Variants in CELF2 observed in about 807,000 individuals in gnomAD.
The protein encoded by CELF2 is CUG triplet repeat RNA-binding protein 2.
In CELF2, 8 loss-of-function variants were observed where a neutral mutation model predicts 62.6. That is an observed-to-expected ratio of 0.13 (90% confidence interval 0.07 to 0.23). CELF2 has a LOEUF of 0.23. CELF2 is among the 10% of genes least tolerant of loss of function. The probability of loss-of-function intolerance (pLI) is 1.00; values close to 1 mark genes in which losing one functional copy is unlikely to be tolerated. For synonymous variants in CELF2, 258 were observed against 250.0 expected (o/e 1.03, Z -0.30); for missense variants, 333 against 671.0 (o/e 0.50, Z 5.56).
chr10:11,060,049 G>T (rs763924585), intron 1 of CELF2, among the ~76,000 whole-genome samples: 4 of 152,218 alleles, frequency 2.6e-5, no homozygotes, highest in Non-Finnish European at 5.9e-5. Flanking sequence ...CAAAATGCAA[G>T]AGGAAGAGAA....
chr10:11,033,182 G>T (rs987025801), intron 1 of CELF2, among the ~76,000 whole-genome samples: 4 of 152,018 alleles, frequency 2.6e-5, no homozygotes, highest in Admixed American at 2.6e-4. Flanking sequence ...CAGTGGTGAG[G>T]TGTGAGGGCA....
At position 11,297,499 on chromosome 10, in the gene CELF2, G is replaced by C. The variant is rs1037836889; in HGVS notation, c.976+8947G>C. On this transcript the variant is annotated intron_variant, in intron 9 of 12. Transcript: ENST00000633077. The surrounding 1 kb of genome is among the most constrained non-coding windows in gnomAD (Gnocchi z 4.4). ...AGCTTTCTGGGTAGCACAGTGTCAG[G>C]GGAGCCAAGCAGGATGGGGCTGGAG... Among the ~76,000 whole-genome samples the C allele has an allele frequency of 1.3e-5, 2 of 152,104 alleles. No individual in the cohort carries two copies. The highest frequency in any genetic ancestry group is 1.5e-5 in the Non-Finnish European group (1 of 68,034).
rs2074202327 is a variant in CELF2 at position 11,242,356 on chromosome 10, C to T, written c.355-6797C>T. Among the ~76,000 whole-genome samples, 1 of 152,170 alleles carries T rather than the reference C, an allele frequency of 6.6e-6. No homozygotes were observed. Among genetic ancestry groups the T allele is most frequent in the Non-Finnish European group, 1.5e-5 (1 of 68,040 alleles). On this transcript the variant is annotated intron_variant, in intron 3 of 12. Transcript: ENST00000633077. This position sits in a 1 kb window ranked among gnomAD's most constrained non-coding sequence, Gnocchi z 4.8. Reference sequence around the variant, plus strand: ...GTGAGGAGCCAGCTGTGCCCCCTGCCCGCAGCTGCTTCCTTCCCCCAGGAC... The same window carrying T: ...GTGAGGAGCCAGCTGTGCCCCCTGCTCGCAGCTGCTTCCTTCCCCCAGGAC...
intron 5 of CELF2, among the ~76,000 whole-genome samples, chr10:11,263,848 T>C (rs1022895643): frequency 6.6e-6 from 1 of 152,228 alleles, no homozygotes; most frequent in Non-Finnish European, 1.5e-5. Context: ...TTAGAGAAAT[T>C]ACAGTGGTTA....
At chr10:10,686,309 T>TG in the CELF2 span, among the ~76,000 whole-genome samples, 1 of 60,088 alleles carries the variant, frequency 1.7e-5, no homozygotes, top group African/African-American at 3.9e-5. Flanking sequence ...TTTGGATTTT[T>TG]TGGGGGGGGG....
the CELF2 span, among the ~76,000 whole-genome samples, chr10:10,641,927 A>G: frequency 1.3e-5 from 2 of 152,120 alleles, no homozygotes; most frequent in African/African-American, 4.8e-5. Context: ...ATCTTTTGCT[A>G]TTATATCACT....
At chr10:11,230,897 G>T (rs77596569) in intron 3 of CELF2, among the ~76,000 whole-genome samples, 1 of 152,354 alleles carries the variant, frequency 6.6e-6, no homozygotes, top group Admixed American at 6.5e-5. Flanking sequence ...GCATCGGAGT[G>T]TAGAGTCCTG....
intron 2 of CELF2, among the ~76,000 whole-genome samples, chr10:10,981,634 C>T (rs1008347759): frequency 6.6e-6 from 1 of 152,186 alleles, no homozygotes; most frequent in Admixed American, 6.5e-5. Context: ...ATAGTTACAC[C>T]CTTTTCTAGG....
chr10:10,503,894 T>C, the CELF2 span, among the ~76,000 whole-genome samples: 49 of 152,142 alleles, frequency 3.2e-4, no homozygotes, highest in African/African-American at 1.2e-3. Context: ...AGTGTATCTC[T>C]GTGCATAGCA....
rs988171808 is a variant in CELF2 at position 11,214,764 on chromosome 10, T to C, written c.272-2661T>C. Among the ~76,000 whole-genome samples, 6 of 152,314 alleles carry C rather than the reference T, an allele frequency of 3.9e-5. No homozygotes were observed. The highest frequency in any genetic ancestry group is 1.4e-4 in the African/African-American group (6 of 41,566). ...GTTAAAGAATACCTGTTTAGATGAG[T>C]GTACACTTTTAACTGAAACACTTAA... On this transcript the variant is annotated intron_variant, in intron 2 of 12. Coordinates refer to ENST00000633077, the MANE Select transcript of CELF2 (RefSeq NM_001326342.2). The surrounding 1 kb of genome is among the most constrained non-coding windows in gnomAD (Gnocchi z 4.2).
At chr10:11,044,522 T>C (rs1402026642) in intron 1 of CELF2, among the ~76,000 whole-genome samples, 1 of 152,220 alleles carries the variant, frequency 6.6e-6, no homozygotes, top group Non-Finnish European at 1.5e-5. Flanking sequence ...TCTTCGTATA[T>C]AAATTTGCAA....
chr10:11,099,869 A>AAAC (rs1237584657), intron 1 of CELF2, among the ~76,000 whole-genome samples: 25 of 143,876 alleles, frequency 1.7e-4, no homozygotes, highest in African/African-American at 2.3e-4. Flanking sequence ...TTCTACATTA[A>AAAC]AACAACAACA....
chr10:11,260,474 C>A lies in CELF2; in HGVS notation c.538+2602C>A, dbSNP rs2080170281. On this transcript the variant is annotated intron_variant, in intron 5 of 12. Transcript: ENST00000633077. The surrounding 1 kb of genome is among the most constrained non-coding windows in gnomAD (Gnocchi z 4.2). ...AGAACCTCCATGGGAAAGAGCAGGA[C>A]ACGCAGTACTTAACAAGAGAACTTA... 6.6e-6 allele frequency among the ~76,000 whole-genome samples: 1 copy of A among 152,218 alleles called. No individual in the cohort carries two copies. Among genetic ancestry groups the A allele is most frequent in the African/African-American group, 2.4e-5 (1 of 41,456 alleles).
At chr10:10,671,805 C>T in the CELF2 span, among the ~76,000 whole-genome samples, 155 of 152,054 alleles carry the variant, frequency 1.0e-3, 1 homozygote, top group Non-Finnish European at 1.9e-3. Context: ...TCTCAGCTCA[C>T]TGCAACCTCT....
chr10:10,646,458 G>A, the CELF2 span, among the ~76,000 whole-genome samples: 4 of 152,140 alleles, frequency 2.6e-5, no homozygotes, highest in African/African-American at 9.7e-5. Flanking sequence ...TTTGCACGTC[G>A]TTTCTCAGCC....
intron 2 of CELF2, among the ~76,000 whole-genome samples, chr10:11,173,479 A>G (rs17149684): frequency 0.059 from 8,916 of 152,316 alleles, 317 homozygotes; most frequent in South Asian, 0.1. Flanking sequence ...AAGTGTTCAG[A>G]ATTCTAGCAT....
intron 1 of CELF2, among the ~76,000 whole-genome samples, chr10:11,102,678 T>C (rs532457371): frequency 1.3e-5 from 2 of 152,198 alleles, no homozygotes; most frequent in Non-Finnish European, 2.9e-5. Context: ...GCTTTTTTCT[T>C]GAATGCCAGT....
the CELF2 span, among the ~76,000 whole-genome samples, chr10:10,774,556 C>T: frequency 6.6e-6 from 1 of 152,212 alleles, no homozygotes; most frequent in South Asian, 2.1e-4. Flanking sequence ...CCCGCTCTCG[C>T]TCCTGCCATG....
intron 1 of CELF2, among the ~76,000 whole-genome samples, chr10:10,887,774 A>ATTTT (rs1308333447): frequency 7.2e-6 from 1 of 139,310 alleles, no homozygotes; most frequent in African/African-American, 2.6e-5. Flanking sequence ...GTAGACTTTT[A>ATTTT]TTTTTTTTTT....
Sources: allele counts gnomAD v4.1 joint callset (sites outside exome capture counted in the v4.1 genomes callset), GRCh38; gene constraint gnomAD v4.1.1; non-coding constraint Gnocchi (gnomAD v3.1); transcripts MANE v1.5; gene names NCBI Gene and HGNC (gene_info 2026-07-23, HGNC 2026-07-21).